Variants in C10orf90 observed in about 807,000 individuals in gnomAD.
The protein encoded by C10orf90 is chromosome 10 open reading frame 90.
A neutral mutation model predicts 62.5 loss-of-function variants in C10orf90; 56 were observed. That is an observed-to-expected ratio of 0.90 (90% CI 0.72 to 1.12). The LOEUF is 1.12. Among genes scored for constraint, C10orf90 ranks in the 50% most tolerant of loss-of-function variants. C10orf90 has a pLI of 0.00. For synonymous variants in C10orf90, 386 were observed against 340.4 expected (o/e 1.13, Z -1.47); for missense variants, 970 against 880.4 (o/e 1.10, Z -1.29).
intron 2 of C10orf90, among the ~76,000 whole-genome samples, chr10:126,519,638 A>G (rs1413106794): frequency 6.6e-6 from 1 of 152,256 alleles, no homozygotes; most frequent in Non-Finnish European, 1.5e-5. Flanking sequence ...TTAATATTTT[A>G]AAACAGATGT....
chr10:126,469,762 T>C (rs145004159), intron 4 of C10orf90: 1 of 408,536 alleles, frequency 2.4e-6, no homozygotes, highest in Non-Finnish European at 4.9e-6. Context: ...CTGGGTTCTC[T>C]TCCAGCAAGC....
chr10:126,579,284 T>TC (rs1231713347), intron 2 of C10orf90, among the ~76,000 whole-genome samples: 1 of 151,574 alleles, frequency 6.6e-6, no homozygotes, highest in Admixed American at 6.6e-5. Flanking sequence ...TCTTTTTTTT[T>TC]TTTTTTGAGA....
At chr10:126,513,354 T>G (rs1347748195) in intron 3 of C10orf90, among the ~76,000 whole-genome samples, 1 of 152,148 alleles carries the variant, frequency 6.6e-6, no homozygotes, top group Non-Finnish European at 1.5e-5. Flanking sequence ...ACTGCATCAG[T>G]CGATTAGACA....
chr10:126,546,159 G>A (rs151258534), intron 2 of C10orf90, among the ~76,000 whole-genome samples: 2,689 of 152,232 alleles, frequency 0.018, 33 homozygotes, highest in Non-Finnish European at 0.03. Context: ...AGAAAGACAC[G>A]ACAGAGCTAG....
At chr10:126,508,158 T>TGAGAGAGAGAGAGA (rs57143666) in intron 3 of C10orf90, among the ~76,000 whole-genome samples, 1,375 of 131,398 alleles carry the variant, frequency 0.01, 17 homozygotes, top group Middle Eastern at 0.033. Context: ...AATGAGTGAG[T>TGAGAGAGAGAGAGA]GAGAGAGAGA....
chr10:126,661,683 T>C (rs1846517291), intron 1 of C10orf90, among the ~76,000 whole-genome samples: 3 of 150,136 alleles, frequency 2.0e-5, no homozygotes, highest in African/African-American at 4.9e-5. Context: ...TTTTTTTTTT[T>C]CTCTCTTGTC....
chr10:126,594,127 A>C (rs985675851), intron 2 of C10orf90, among the ~76,000 whole-genome samples: 3 of 102,460 alleles, frequency 2.9e-5, no homozygotes, highest in Non-Finnish European at 3.5e-5. Context: ...TTTTTTTTTT[A>C]ACCTAAAATG....
chr10:126,455,115 C>G (rs1031976119), intron 7 of C10orf90, among the ~76,000 whole-genome samples: 1 of 152,148 alleles, frequency 6.6e-6, no homozygotes, highest in African/African-American at 2.4e-5. Flanking sequence ...CCACCCTCAT[C>G]ATGTTGTACC....
At chr10:126,664,250 T>C (rs17155139) in intron 1 of C10orf90, among the ~76,000 whole-genome samples, 72,584 of 151,782 alleles carry the variant, frequency 0.48, 17,445 homozygotes, top group South Asian at 0.56. Flanking sequence ...GGAAGTGTTT[T>C]GCCCCAATTT....
chr10:126,464,486 G>A (rs767616357), intron 5 of C10orf90, among the ~76,000 whole-genome samples: 18 of 152,152 alleles, frequency 1.2e-4, no homozygotes, highest in Non-Finnish European at 2.5e-4. Context: ...CAGTGGTCTT[G>A]AAAATCCCCG....
intron 2 of C10orf90, among the ~76,000 whole-genome samples, chr10:126,521,983 C>T (rs775095941): frequency 3.9e-5 from 6 of 152,090 alleles, no homozygotes; most frequent in South Asian, 4.2e-4. Context: ...AAGATAGCAC[C>T]GGCAGCCTGG....
intron 4 of C10orf90, among the ~76,000 whole-genome samples, chr10:126,493,775 G>A (rs1403548874): frequency 6.6e-6 from 1 of 152,212 alleles, no homozygotes; most frequent in African/African-American, 2.4e-5. Context: ...GCTAGACCTG[G>A]AAAGAAACCA....
Position 126,528,279 on chromosome 10 carries a change from G to C in C10orf90, c.314-14340C>G, listed in dbSNP as rs1044506000. On this transcript the variant is annotated intron_variant, in intron 2 of 9. Coordinates refer to ENST00000488181, the MANE Select transcript of C10orf90 (RefSeq NM_001350921.2). ...GCATTTCCAGATATCTAGACAAAGA[G>C]AGAGATAATACTTACCAATAAATAC... Among the ~76,000 whole-genome samples, 16 of 152,124 alleles carry C rather than the reference G, an allele frequency of 1.1e-4. 1 individual carries two copies. Among genetic ancestry groups the C allele is most frequent in the Non-Finnish European group, 1.9e-4 (13 of 68,036 alleles).
chr10:126,604,715 A>G (rs866125393), intron 2 of C10orf90, among the ~76,000 whole-genome samples: 1 of 152,230 alleles, frequency 6.6e-6, no homozygotes, highest in East Asian at 1.9e-4. Flanking sequence ...AGAAACACAG[A>G]TGTCACTGAG....
intron 4 of C10orf90, among the ~76,000 whole-genome samples, chr10:126,497,905 C>T (rs2133862026): frequency 6.6e-6 from 1 of 152,350 alleles, no homozygotes; most frequent in South Asian, 2.1e-4. Flanking sequence ...AGGGCTGCTG[C>T]TACATACCAG....
chr10:126,571,403 C>T (rs1844503189), intron 2 of C10orf90, among the ~76,000 whole-genome samples: 1 of 152,322 alleles, frequency 6.6e-6, no homozygotes, highest in East Asian at 1.9e-4. Context: ...CAGTTGGGAA[C>T]CTGCAGGGCT....
At chr10:126,531,832 T>C (rs889590701) in intron 2 of C10orf90, among the ~76,000 whole-genome samples, 1 of 151,658 alleles carries the variant, frequency 6.6e-6, no homozygotes, top group African/African-American at 2.4e-5. Context: ...GTTAAGAAAA[T>C]AAAAAGGGAA....
chr10:126,639,836 GC>G (rs1291572273), intron 2 of C10orf90, among the ~76,000 whole-genome samples: 1 of 152,208 alleles, frequency 6.6e-6, no homozygotes, highest in African/African-American at 2.4e-5. Context: ...ATAGGCAAAG[GC>G]CAAATTAGAG....
rs189437464 is a variant in C10orf90, at chr10:126,588,710, C to T, written c.313+57855G>A. ...AAAAACTCCATTCAAAGTTCAGCAG[C>T]CTCAAAGATGAAAGGTATGTAAGCC... On this transcript the variant is annotated intron_variant, in intron 2 of 9. Coordinates refer to ENST00000488181, the MANE Select transcript of C10orf90 (RefSeq NM_001350921.2). Among the ~76,000 whole-genome samples, 8 of 152,272 alleles carry T rather than the reference C, an allele frequency of 5.3e-5. No individual in the cohort carries two copies. In the East Asian group the frequency reaches 1.5e-3, roughly 29 times the overall value.
Sources: allele counts gnomAD v4.1 joint callset (sites outside exome capture counted in the v4.1 genomes callset), GRCh38; gene constraint gnomAD v4.1.1; transcripts MANE v1.5; gene names NCBI Gene and HGNC (gene_info 2026-07-23, HGNC 2026-07-21).